Variants in EPHB1 observed in about 807,000 individuals in gnomAD.
The protein encoded by EPHB1 is EPH receptor B1, also known as ephrin type-B receptor 1.
Under a neutral mutation model 94.4 loss-of-function variants are expected in EPHB1, and 30 were observed. The observed-to-expected ratio is 0.32, with a 90% CI of 0.24 to 0.43. The LOEUF (loss-of-function observed/expected upper bound fraction) is 0.43, where lower values mean the gene tolerates loss of function less well. EPHB1 is among the 20% of genes least tolerant of loss of function. The probability of loss-of-function intolerance (pLI) is 1.00; values close to 1 mark genes in which losing one functional copy is unlikely to be tolerated. For synonymous variants in EPHB1, 522 were observed against 489.1 expected, an observed-to-expected ratio of 1.07 and a Z score of -0.89; for missense variants, 1,055 against 1,308.3, an observed-to-expected ratio of 0.81 and a Z score of 2.99.
At chr3:135,254,796 A>T (rs1016704374) in intron 15 of EPHB1, among the ~76,000 whole-genome samples, 10 of 152,260 alleles carry the variant, frequency 6.6e-5, no homozygotes, top group Non-Finnish European at 1.0e-4. Context: ...GAATGGTACC[A>T]ATTCCTCCTT....
intron 1 of EPHB1, among the ~76,000 whole-genome samples, chr3:134,838,438 G>T (rs548024004): frequency 4.1e-4 from 62 of 152,128 alleles, no homozygotes; most frequent in African/African-American, 1.3e-3. Context: ...GCTTCCCTGG[G>T]CTTATTTTGC....
intron 12 of EPHB1, among the ~76,000 whole-genome samples, chr3:135,213,725 A>G (rs1379205909): frequency 6.6e-6 from 1 of 152,214 alleles, no homozygotes; most frequent in African/African-American, 2.4e-5. Context: ...CTATTTCAGC[A>G]TGGCTTTCTT....
intron 1 of EPHB1, among the ~76,000 whole-genome samples, chr3:134,858,306 G>T (rs149127723): frequency 3.3e-5 from 5 of 152,228 alleles, no homozygotes; most frequent in African/African-American, 9.6e-5. Context: ...TTTCCCCTGT[G>T]TGGTAAGACT....
At chr3:134,838,480 C>A (rs1347995147) in intron 1 of EPHB1, among the ~76,000 whole-genome samples, 1 of 152,186 alleles carries the variant, frequency 6.6e-6, no homozygotes, top group Non-Finnish European at 1.5e-5. Flanking sequence ...GTCTTCCCCA[C>A]GGATTCTCCT....
At chr3:135,016,725 G>C (rs1935808658) in intron 3 of EPHB1, among the ~76,000 whole-genome samples, 2 of 152,204 alleles carry the variant, frequency 1.3e-5, no homozygotes, top group Admixed American at 1.3e-4. Flanking sequence ...CGGGGTGCCA[G>C]TTCCTTCCTC....
At chr3:134,847,982 C>T (rs2036907931) in intron 1 of EPHB1, among the ~76,000 whole-genome samples, 1 of 152,136 alleles carries the variant, frequency 6.6e-6, no homozygotes, top group African/African-American at 2.4e-5. Context: ...ATTAACGAAC[C>T]TTTGCATTTC....
chr3:135,047,076 T>A (rs1055995416), intron 3 of EPHB1, among the ~76,000 whole-genome samples: 1 of 152,098 alleles, frequency 6.6e-6, no homozygotes, highest in Non-Finnish European at 1.5e-5. Context: ...CCGAGGCTTA[T>A]GTTTTCTTCT....
intron 5 of EPHB1, among the ~76,000 whole-genome samples, chr3:135,135,963 A>C (rs528270669): frequency 6.6e-6 from 1 of 152,234 alleles, no homozygotes. Flanking sequence ...GTGTGGACTC[A>C]TTTAATCCTC....
At chr3:134,930,426 C>T (rs1456101577) in intron 2 of EPHB1, among the ~76,000 whole-genome samples, 1 of 152,216 alleles carries the variant, frequency 6.6e-6, no homozygotes, top group Non-Finnish European at 1.5e-5. Context: ...AGGTAACAAA[C>T]ACATTTACAA....
intron 3 of EPHB1, among the ~76,000 whole-genome samples, chr3:135,095,042 A>G (rs1274962661): frequency 1.2e-4 from 18 of 152,196 alleles, no homozygotes; most frequent in Admixed American, 1.2e-3. Flanking sequence ...AGGAAGAGCC[A>G]AATCAGTCCT....
chr3:135,121,403 A>G (rs926457052), intron 4 of EPHB1, among the ~76,000 whole-genome samples: 1 of 152,262 alleles, frequency 6.6e-6, no homozygotes, highest in African/African-American at 2.4e-5. Context: ...TGAGTGCATC[A>G]ATTAGAAATA....
rs534067316 is a variant in EPHB1 at position 135,154,225 on chromosome 3, G to A, written c.1371G>A (p.Pro457=). 1.7e-5 allele frequency: 27 copies of A among 1,614,002 alleles called. No individual in the cohort carries two copies. Among genetic ancestry groups the A allele is most frequent in the East Asian group, 4.5e-5 (2 of 44,890 alleles). ...MRSITLSWPQ[P]EQPNGIILDY... ...GCATCACCTTGTCATGGCCACAGCCGGAGCAGCCCAATGGCATCATCCTGG... is the reference window on the plus strand; with the variant it reads ...GCATCACCTTGTCATGGCCACAGCCAGAGCAGCCCAATGGCATCATCCTGG... Residue 457 remains proline, a synonymous_variant, in exon 6 of 16, where the codon CCG becomes CCA. Transcript: ENST00000398015.
intron 3 of EPHB1, among the ~76,000 whole-genome samples, chr3:135,000,496 C>G (rs1397622628): frequency 6.6e-6 from 1 of 152,202 alleles, no homozygotes; most frequent in Non-Finnish European, 1.5e-5. Context: ...TATTATAAAA[C>G]AGGACCTGCA....
At chr3:135,064,314 A>C (rs925572438) in intron 3 of EPHB1, among the ~76,000 whole-genome samples, 1 of 152,074 alleles carries the variant, frequency 6.6e-6, no homozygotes, top group African/African-American at 2.4e-5. Flanking sequence ...TCTGCTGTGA[A>C]TCTGTCTGGT....
intron 12 of EPHB1, among the ~76,000 whole-genome samples, chr3:135,236,446 T>A (rs1347886830): frequency 6.6e-6 from 1 of 152,254 alleles, no homozygotes; most frequent in East Asian, 1.9e-4. Flanking sequence ...GTCTCACAGT[T>A]AGGACTTCAA....
chr3:135,017,766 T>G (rs1260701205), intron 3 of EPHB1, among the ~76,000 whole-genome samples: 2 of 152,188 alleles, frequency 1.3e-5, no homozygotes, highest in African/African-American at 4.8e-5. Flanking sequence ...GTCTTTTTCC[T>G]TTGTCTCATT....
chr3:134,834,411 A>T (rs2036635217), intron 1 of EPHB1, among the ~76,000 whole-genome samples: 1 of 152,062 alleles, frequency 6.6e-6, no homozygotes, highest in South Asian at 2.1e-4. Context: ...CTCACACAAA[A>T]CAAACTCCTG....
chr3:134,919,030 G>C (rs1455995563), intron 1 of EPHB1, among the ~76,000 whole-genome samples: 33 of 152,344 alleles, frequency 2.2e-4, no homozygotes, highest in Non-Finnish European at 3.8e-4. Flanking sequence ...CCAGTTACGA[G>C]GTGGTTGCTG....
rs576642652 is a variant in EPHB1 at position 135,039,707 on chromosome 3, T to C, written c.806-66741T>C. Among the ~76,000 whole-genome samples, 23 of 152,338 alleles carry C rather than the reference T, an allele frequency of 1.5e-4. No homozygotes were observed. In the East Asian group the frequency reaches 2.9e-3, roughly 19 times the overall value. ...CCCCCTTGCTCGGGGCCAGCAGGGCTGGCTGGCTGCTTCGAGTGCGGGGCC... is the reference window on the plus strand; with the variant it reads ...CCCCCTTGCTCGGGGCCAGCAGGGCCGGCTGGCTGCTTCGAGTGCGGGGCC... On this transcript the variant is annotated intron_variant, in intron 3 of 15. Transcript: ENST00000398015.
Sources: gnomAD v4.1 joint callset for allele counts (sites outside exome capture counted in the v4.1 genomes callset) on GRCh38, gnomAD v4.1.1 for gene constraint, MANE v1.5 for transcripts, NCBI Gene and HGNC (gene_info 2026-07-23, HGNC 2026-07-21) for gene names.